MTMR7: variants seen among roughly 807,000 people sequenced by gnomAD.
MTMR7 encodes phosphatidylinositol-3-phosphate phosphatase MTMR7.
A neutral mutation model predicts 81.2 loss-of-function variants in MTMR7; 76 were observed. The ratio of observed to expected loss-of-function variants is 0.94; its 90% CI spans 0.78 to 1.13. MTMR7 has a LOEUF of 1.13. Ranked by LOEUF, MTMR7 falls within the 50% of genes most tolerant of loss-of-function variation. The pLI is 0.00. For synonymous variants in MTMR7, 372 were observed against 289.8 expected, an observed-to-expected ratio of 1.28 and a Z score of -2.88; for missense variants, 1,044 against 820.0, an observed-to-expected ratio of 1.27 and a Z score of -3.34.
At chr8:17,382,235 G>T (rs944229640) in intron 1 of MTMR7, among the ~76,000 whole-genome samples, 1 of 152,208 alleles carries the variant, frequency 6.6e-6, no homozygotes, top group African/African-American at 2.4e-5. Context: ...GATATCCAGT[G>T]TTCTGGTCCC....
chr8:17,349,420 C>A (rs1460928574), intron 4 of MTMR7: 1 of 200,678 alleles, frequency 5.0e-6, no homozygotes, highest in Non-Finnish European at 1.1e-5. Context: ...CTGAGAAAAT[C>A]TGAGCTGCCA....
chr8:17,359,340 A>G (rs1819993156), intron 4 of MTMR7, among the ~76,000 whole-genome samples: 1 of 152,144 alleles, frequency 6.6e-6, no homozygotes. Context: ...TGACTCACAC[A>G]TAATTATAGC....
At chr8:17,409,337 G>T (rs1414806964) in intron 1 of MTMR7, among the ~76,000 whole-genome samples, 4 of 152,062 alleles carry the variant, frequency 2.6e-5, no homozygotes, top group African/African-American at 7.2e-5. Context: ...GCACGTGCTT[G>T]TAGCCCCAGC....
rs1817002950 is a variant in MTMR7, at chr8:17,299,979, G to A, written c.1866C>T (p.Asp622=). 1 of 1,614,008 alleles carries A rather than the reference G, an allele frequency of 6.2e-7. No homozygotes were observed. The highest frequency in any genetic ancestry group is 1.3e-5 in the African/African-American group (1 of 74,926). Residue 622 remains aspartate, a synonymous_variant, in exon 14 of 14, where the codon GAC becomes GAT. Transcript: ENST00000180173. ...TCAAATCCTCCACCCCGGACTCTTGGTCACTGTTGGCTGACAGATCTGGAT... is the reference window on the plus strand; with the variant it reads ...TCAAATCCTCCACCCCGGACTCTTGATCACTGTTGGCTGACAGATCTGGAT... ...SSDPDLSANS[D]QESGVEDLSC... is the part of the protein sequence containing the mutation.
rs116225548 is a variant in MTMR7, at chr8:17,386,895, G to A, written c.25-13655C>T. Among the ~76,000 whole-genome samples, 481 of 152,326 alleles carry A rather than the reference G, an allele frequency of 3.2e-3. 5 individuals are homozygous for A. The highest frequency in any genetic ancestry group is 0.011 in the African/African-American group (454 of 41,582). On this transcript the variant is annotated intron_variant, in intron 1 of 13. Transcript: ENST00000180173. The stretch of plus-strand genomic sequence containing the variant: ...GGCTCCTCAGAGGGAGCCTGGGAGA[G>A]TGGATGATGGGTGACCAAAGCCCAG...
chr8:17,396,637 G>A (rs921223785), intron 1 of MTMR7, among the ~76,000 whole-genome samples: 8 of 152,062 alleles, frequency 5.3e-5, no homozygotes, highest in African/African-American at 1.9e-4. Flanking sequence ...CGGTAAATCT[G>A]AAAGGCAATC....
intron 5 of MTMR7, among the ~76,000 whole-genome samples, chr8:17,348,141 C>G (rs1172312413): frequency 6.6e-6 from 1 of 152,098 alleles, no homozygotes; most frequent in African/African-American, 2.4e-5. Context: ...ACAGACAAAC[C>G]CAATTCTGGC....
chr8:17,302,074 A>T (rs780790370), intron 13 of MTMR7, 80 bp downstream of exon 13: 1 of 1,572,672 alleles, frequency 6.4e-7, no homozygotes, highest in African/African-American at 1.4e-5. Context: ...TATTGCACTG[A>T]ATCTTAAGAG....
chr8:17,301,853 T>C (rs1817136648), intron 13 of MTMR7: 3 of 406,528 alleles, frequency 7.4e-6, no homozygotes, highest in Non-Finnish European at 8.6e-6. Flanking sequence ...TTTCACACTT[T>C]CCAGAAAAAA....
At chr8:17,348,859 C>T in intron 5 of MTMR7, 94 bp downstream of exon 5, 1 of 1,452,190 alleles carries the variant, frequency 6.9e-7, no homozygotes, top group Admixed American at 1.7e-5. Flanking sequence ...AATTCAAACA[C>T]ACACACACGC....
chr8:17,324,064 G>A (rs1818544252), intron 7 of MTMR7, among the ~76,000 whole-genome samples: 1 of 152,094 alleles, frequency 6.6e-6, no homozygotes, highest in Non-Finnish European at 1.5e-5. Flanking sequence ...CTTTGGCTTT[G>A]ACATCCAGTT....
At chr8:17,343,405 G>A (rs75743936) in intron 5 of MTMR7, among the ~76,000 whole-genome samples, 2,930 of 152,094 alleles carry the variant, frequency 0.019, 95 homozygotes, top group African/African-American at 0.067. Context: ...ACTCCAGCCC[G>A]GGCGACAGTG....
In MTMR7 at chr8:17,398,450, G is replaced by C. The variant is rs143416141; in HGVS notation, c.24+14819C>G. On this transcript the variant is annotated intron_variant, in intron 1 of 13. Coordinates refer to ENST00000180173, the MANE Select transcript of MTMR7 (RefSeq NM_004686.5). ...ATCTCTTAATAGCAGAATTGACCAAGTAGAAGAAAAAAATTAGTGAGCTTG... is the reference window on the plus strand; with the variant it reads ...ATCTCTTAATAGCAGAATTGACCAACTAGAAGAAAAAAATTAGTGAGCTTG... Among the ~76,000 whole-genome samples, 903 of 152,194 alleles carry C rather than the reference G, an allele frequency of 5.9e-3. 5 individuals are homozygous for C. The highest frequency in any genetic ancestry group is 9.4e-3 in the Non-Finnish European group (642 of 67,996).
Position 17,299,869 on chromosome 8 carries a change from G to C in MTMR7, c.1976C>G (p.Thr659Ser), listed in dbSNP as rs751248856. The change falls in exon 14 of 14, where the codon ACT (threonine) becomes AGT (serine). Residue 659 changes from threonine to serine, a missense_variant. Thr to Ser is a moderately conservative substitution (Grantham distance 58). Coordinates refer to ENST00000180173, the MANE Select transcript of MTMR7 (RefSeq NM_004686.5). ...GAACTCCAAAGGGAAACTTCAGGCA[G>C]TGAGAAACACGGCTTCATCAGAATC... ...DRDSDEAVFL[T>S]A The C allele has an allele frequency of 6.2e-7, 1 of 1,613,972 alleles. No individual in the cohort carries two copies. The highest frequency in any genetic ancestry group is 8.5e-7 in the Non-Finnish European group (1 of 1,179,866).
chr8:17,319,151 G>A (rs1006696179), intron 7 of MTMR7, among the ~76,000 whole-genome samples: 2 of 152,188 alleles, frequency 1.3e-5, no homozygotes, highest in African/African-American at 2.4e-5. Context: ...ATGTTTAAGG[G>A]CTTCAGAGGC....
rs1563307100 is a variant in MTMR7, at chr8:17,298,843, G to GCAGT, written c.*1015_*1018dup. On this transcript the variant is annotated 3_prime_UTR_variant, in exon 14 of 14. Transcript: ENST00000180173. ...ACAAAAATTCTTTTCAGAACTTTCA[G>GCAGT]CAGTCAGTGGTCATGAGATGTTACT... 6.6e-6 allele frequency: 1 copy of GCAGT among 152,276 alleles called. No individual in the cohort carries two copies. The highest frequency in any genetic ancestry group is 1.5e-5 in the Non-Finnish European group (1 of 67,994). 9.4% of individuals were successfully genotyped at this position (152,276 alleles called of 1,614,324 possible).
At chr8:17,345,781 C>A (rs1372094523) in intron 5 of MTMR7, among the ~76,000 whole-genome samples, 1 of 152,202 alleles carries the variant, frequency 6.6e-6, no homozygotes, top group Admixed American at 6.5e-5. Flanking sequence ...CAAGCTTCTC[C>A]TAATCTGATC....
intron 1 of MTMR7, among the ~76,000 whole-genome samples, chr8:17,395,121 C>T (rs1821211021): frequency 6.6e-6 from 1 of 151,996 alleles, no homozygotes; most frequent in Non-Finnish European, 1.5e-5. Flanking sequence ...TTTTACTTTT[C>T]ATTTCTAAGA....
At chr8:17,402,767 T>A (rs1821466242) in intron 1 of MTMR7, among the ~76,000 whole-genome samples, 1 of 152,200 alleles carries the variant, frequency 6.6e-6, no homozygotes, top group African/African-American at 2.4e-5. Context: ...TAACCAGTAG[T>A]GGGCTTGCTG....
Sources: gnomAD v4.1 joint callset for allele counts (sites outside exome capture counted in the v4.1 genomes callset) on GRCh38, gnomAD v4.1.1 for gene constraint, MANE v1.5 for transcripts, NCBI Gene and HGNC (gene_info 2026-07-23, HGNC 2026-07-21) for gene names.